The following MAML2 variants were observed in gnomAD, a reference collection of about 807,000 sequenced individuals.
MAML2 encodes the protein mastermind-like protein 2.
In MAML2, 22 loss-of-function variants were observed where a neutral mutation model predicts 96.1. The ratio of observed to expected loss-of-function variants is 0.23; its 90% CI spans 0.16 to 0.33. The LOEUF (loss-of-function observed/expected upper bound fraction) is 0.33, where lower values mean the gene tolerates loss of function less well. Ranked by LOEUF, MAML2 falls within the 10% of genes least tolerant of loss-of-function variation. The pLI, the probability that MAML2 is intolerant of heterozygous loss-of-function variation, is 1.00. For synonymous variants in MAML2, 561 were observed against 521.3 expected (o/e 1.08, Z -1.04); for missense variants, 1,367 against 1,392.4 (o/e 0.98, Z 0.29).
chr11:96,259,127 A>T (rs79910675), intron 1 of MAML2, among the ~76,000 whole-genome samples: 4,934 of 152,300 alleles, frequency 0.032, 105 homozygotes, highest in South Asian at 0.062. Context: ...TTCTTTAGGT[A>T]ACTCTGCTTA....
intron 1 of MAML2, among the ~76,000 whole-genome samples, chr11:96,117,853 G>C (rs1356211106): frequency 6.6e-6 from 1 of 152,158 alleles, no homozygotes; most frequent in Non-Finnish European, 1.5e-5. Context: ...ATTTGGTCTA[G>C]GGCTCTGCCT....
intron 1 of MAML2, among the ~76,000 whole-genome samples, chr11:96,117,736 A>T (rs529554302): frequency 6.7e-4 from 102 of 152,322 alleles, no homozygotes; most frequent in Non-Finnish European, 1.2e-3. Flanking sequence ...TAGAACAAAA[A>T]TGGTCTACAA....
intron 1 of MAML2, among the ~76,000 whole-genome samples, chr11:96,238,156 T>C (rs473162): frequency 0.93 from 141,416 of 152,262 alleles, 65,834 homozygotes; most frequent in African/African-American, 0.98. Context: ...AGTTGTTTAG[T>C]TGGGGGTTTC....
At chr11:96,190,086 A>T (rs1861631943) in intron 1 of MAML2, among the ~76,000 whole-genome samples, 1 of 152,242 alleles carries the variant, frequency 6.6e-6, no homozygotes, top group South Asian at 2.1e-4. Context: ...GGATGAAGAC[A>T]TGTTAATAGA....
intron 2 of MAML2, among the ~76,000 whole-genome samples, chr11:96,049,657 T>C (rs972626766): frequency 3.9e-5 from 6 of 152,322 alleles, no homozygotes; most frequent in East Asian, 3.9e-4. Flanking sequence ...AGGCCAATAA[T>C]ACTTGGTGAC....
intron 2 of MAML2, among the ~76,000 whole-genome samples, chr11:96,015,588 G>A (rs868293185): frequency 7.5e-6 from 1 of 132,506 alleles, no homozygotes; most frequent in African/African-American, 2.7e-5. Flanking sequence ...AAAAAAAGGG[G>A]GGGGGGGCAA....
At chr11:96,181,897 C>T (rs1340312343) in intron 1 of MAML2, among the ~76,000 whole-genome samples, 1 of 152,194 alleles carries the variant, frequency 6.6e-6, no homozygotes, top group Non-Finnish European at 1.5e-5. Context: ...ATATCACAAC[C>T]ACTATCTAAT....
chr11:96,310,154 A>C (rs2136003781), intron 1 of MAML2, among the ~76,000 whole-genome samples: 1 of 152,334 alleles, frequency 6.6e-6, no homozygotes, highest in Non-Finnish European at 1.5e-5. Flanking sequence ...ATTCTTCTAT[A>C]CATAAACTGA....
At chr11:96,332,264 G>A (rs565412012) in intron 1 of MAML2, among the ~76,000 whole-genome samples, 20 of 152,326 alleles carry the variant, frequency 1.3e-4, no homozygotes, top group Admixed American at 8.5e-4. Context: ...TAAGCAGATC[G>A]GAGAGGTGAA....
chr11:96,145,683 G>A (rs539541653), intron 1 of MAML2, among the ~76,000 whole-genome samples: 1 of 152,274 alleles, frequency 6.6e-6, no homozygotes, highest in East Asian at 1.9e-4. Flanking sequence ...GGACTGTCCT[G>A]ATAAAATCAT....
chr11:96,187,399 C>A (rs973314812), intron 1 of MAML2, among the ~76,000 whole-genome samples: 22 of 152,214 alleles, frequency 1.4e-4, no homozygotes, highest in African/African-American at 5.3e-4. Flanking sequence ...AATGAATAAA[C>A]AAAAGAATTG....
chr11:96,293,659 GAC>G (rs1264461294), intron 1 of MAML2, among the ~76,000 whole-genome samples: 1 of 152,130 alleles, frequency 6.6e-6, no homozygotes, highest in Admixed American at 6.5e-5. Flanking sequence ...GAAAAAATGA[GAC>G]ACAGCCAAAC....
intron 2 of MAML2, among the ~76,000 whole-genome samples, chr11:96,055,626 C>T (rs1859054263): frequency 6.6e-6 from 1 of 152,146 alleles, no homozygotes. Context: ...GATCCATTTC[C>T]AGATGATCCT....
rs564413838 is a variant in MAML2 at position 96,136,538 on chromosome 11, C to T, written c.514-43021G>A. ...TACATAGTTACTTAGAGCCTTAATT[C>T]ACAGTTGTTTATTTCCTGCTTTCAC... On this transcript the variant is annotated intron_variant, in intron 1 of 4. Transcript: ENST00000524717. Among the ~76,000 whole-genome samples, 3 of 152,216 alleles carry T rather than the reference C, an allele frequency of 2.0e-5. 1 individual carries two copies. The South Asian group carries it at 6.2e-4, about 32-fold the overall frequency.
chr11:96,303,112 A>G (rs1591122994), intron 1 of MAML2, among the ~76,000 whole-genome samples: 1 of 152,218 alleles, frequency 6.6e-6, no homozygotes, highest in African/African-American at 2.4e-5. Context: ...TCACGGGCTC[A>G]TTTGTATTAA....
At chr11:96,152,737 C>A (rs1055898427) in intron 1 of MAML2, among the ~76,000 whole-genome samples, 7 of 152,198 alleles carry the variant, frequency 4.6e-5, no homozygotes, top group Admixed American at 3.3e-4. Context: ...ACTGTGTTCA[C>A]AGAATGCTGA....
At chr11:96,291,882 G>A (rs1446414497) in intron 1 of MAML2, among the ~76,000 whole-genome samples, 2 of 152,176 alleles carry the variant, frequency 1.3e-5, no homozygotes, top group African/African-American at 4.8e-5. Context: ...CCCCTGCAAT[G>A]TGAGTGGCTG....
At chr11:96,159,874 T>A (rs1023594550) in intron 1 of MAML2, among the ~76,000 whole-genome samples, 62 of 152,186 alleles carry the variant, frequency 4.1e-4, no homozygotes, top group Non-Finnish European at 4.4e-5. Context: ...GCTGCTGGTC[T>A]GGGAAAAAAC....
At chr11:96,062,475 A>T (rs1223474542) in intron 2 of MAML2, among the ~76,000 whole-genome samples, 2 of 152,232 alleles carry the variant, frequency 1.3e-5, no homozygotes, top group Admixed American at 1.3e-4. Context: ...AGGGAAATAC[A>T]CATGGTAATG....
Sources: gnomAD v4.1 joint callset for allele counts (sites outside exome capture counted in the v4.1 genomes callset) on GRCh38, gnomAD v4.1.1 for gene constraint, MANE v1.5 for transcripts, NCBI Gene and HGNC (gene_info 2026-07-23, HGNC 2026-07-21) for gene names.